Variants in NDE1 observed in about 807,000 individuals in gnomAD.
NDE1 encodes the protein nudE neurodevelopment protein 1, also known as nuclear distribution protein nudE homolog 1.
In NDE1, 28 loss-of-function variants were observed where a neutral mutation model predicts 43.4. The ratio of observed to expected loss-of-function variants is 0.65; its 90% CI spans 0.48 to 0.89. NDE1 has a LOEUF of 0.89. Ranked by LOEUF, NDE1 falls within the 40% of genes least tolerant of loss-of-function variation. The pLI is 0.00. For synonymous variants in NDE1, 184 were observed against 172.0 expected (o/e 1.07, Z -0.55); for missense variants, 441 against 434.1 (o/e 1.02, Z -0.14).
chr16:15,691,833 C>T (rs865986022), intron 6 of NDE1, among the ~76,000 whole-genome samples: 1 of 151,626 alleles, frequency 6.6e-6, no homozygotes, highest in Admixed American at 6.6e-5. Context: ...CTTGCCATGT[C>T]GCCCAGGCTG....
At chr16:15,677,197 G>A (rs958745048) in intron 3 of NDE1, among the ~76,000 whole-genome samples, 4 of 152,070 alleles carry the variant, frequency 2.6e-5, no homozygotes, top group Non-Finnish European at 5.9e-5. Flanking sequence ...TCTGTTGACT[G>A]AGCCTGGCTT....
intron 8 of NDE1, chr16:15,697,126 C>T: frequency 4.3e-6 from 4 of 926,576 alleles, no homozygotes; most frequent in Non-Finnish European, 5.2e-6. Context: ...ATGGCTCACC[C>T]TCTGCCTCCC....
chr16:15,694,952 C>T, intron 7 of NDE1: 1 of 966,410 alleles, frequency 1.0e-6, no homozygotes, highest in Non-Finnish European at 1.2e-6. Flanking sequence ...TGGGAGATTA[C>T]TTGAGCTCAG....
chr16:15,663,583 T>C (rs1217477124), intron 1 of NDE1, among the ~76,000 whole-genome samples: 1 of 152,140 alleles, frequency 6.6e-6, no homozygotes, highest in East Asian at 1.9e-4. Context: ...TCGCCTCTTC[T>C]AGGAAGCCTT....
At chr16:15,682,335 C>T (rs1042044027) in intron 4 of NDE1, among the ~76,000 whole-genome samples, 11 of 152,224 alleles carry the variant, frequency 7.2e-5, no homozygotes, top group African/African-American at 2.2e-4. Flanking sequence ...TTTGTAAAGA[C>T]CGGGTTTCTC....
intron 8 of NDE1, among the ~76,000 whole-genome samples, chr16:15,716,004 G>A (rs893644044): frequency 6.6e-6 from 1 of 152,144 alleles, no homozygotes; most frequent in African/African-American, 2.4e-5. Context: ...GTGTGCACCT[G>A]TAGTCCCAGC....
intron 8 of NDE1, among the ~76,000 whole-genome samples, chr16:15,716,682 C>T (rs907381107): frequency 3.9e-5 from 6 of 152,120 alleles, no homozygotes; most frequent in Admixed American, 1.3e-4. Flanking sequence ...CCACCACACT[C>T]GGCTAATTTT....
intron 7 of NDE1, chr16:15,695,495 CAAAAA>C (rs3073434): frequency 6.2e-5 from 58 of 929,350 alleles, no homozygotes; most frequent in African/African-American, 8.5e-5. Flanking sequence ...GACTTGGTCT[CAAAAA>C]AAAAAAAAAA....
At chr16:15,684,437 A>G (rs2038331134) in intron 4 of NDE1, 1 of 151,874 alleles carries the variant, frequency 6.6e-6, no homozygotes, top group Non-Finnish European at 1.5e-5. Context: ...TACTAAAAAT[A>G]CAAAAATTAG....
chr16:15,698,730 G>A lies in NDE1; in HGVS notation c.947+1870G>A, dbSNP rs144936627. ...ACGAAAATTAGCCGGGCATGGTCGC[G>A]GATGCCTGTAGTCCCAGCTGCTTGG... On this transcript the variant is annotated intron_variant, in intron 8 of 8. Coordinates refer to ENST00000396354, the MANE Select transcript of NDE1 (RefSeq NM_017668.3). Among the ~76,000 whole-genome samples the A allele has an allele frequency of 2.6e-3, 397 of 151,934 alleles. 5 individuals are homozygous for A. The highest frequency in any genetic ancestry group is 8.5e-3 in the African/African-American group (351 of 41,450).
chr16:15,718,188 A>C (rs551812413), intron 8 of NDE1: 1 of 1,489,848 alleles, frequency 6.7e-7, no homozygotes, highest in Non-Finnish European at 9.2e-7. Flanking sequence ...CTCAGGCCCC[A>C]CCACCCTCTT....
intron 8 of NDE1, among the ~76,000 whole-genome samples, chr16:15,715,660 T>C (rs1231244435): frequency 6.6e-6 from 1 of 152,132 alleles, no homozygotes; most frequent in Non-Finnish European, 1.5e-5. Context: ...GGTCTTGCTG[T>C]GTGACCCAGG....
chr16:15,663,736 A>G (rs1008731824), intron 1 of NDE1, among the ~76,000 whole-genome samples: 1 of 152,196 alleles, frequency 6.6e-6, no homozygotes, highest in African/African-American at 2.4e-5. Context: ...AATCCTGTGC[A>G]CATTTCTGTG....
intron 1 of NDE1, among the ~76,000 whole-genome samples, chr16:15,659,600 C>A (rs2036945721): frequency 6.6e-6 from 1 of 151,552 alleles, no homozygotes; most frequent in Non-Finnish European, 1.5e-5. Context: ...CCATGCCCGG[C>A]TAATTTTTAT....
chr16:15,667,589 C>G, intron 3 of NDE1, 150 bp downstream of exon 3: 1 of 743,014 alleles, frequency 1.3e-6, no homozygotes, highest in East Asian at 3.1e-5. Flanking sequence ...CAGACGTGAT[C>G]TTTGAACTCT....
Position 15,719,614 on chromosome 16 carries a change from A to G in NDE1, c.948-4577A>G, listed in dbSNP as rs1057522597. 4 of 1,614,032 alleles carry G rather than the reference A, an allele frequency of 2.5e-6. No individual in the cohort carries two copies. Among genetic ancestry groups the G allele is most frequent in the East Asian group, 2.2e-5 (1 of 44,890 alleles). On this transcript the variant is annotated intron_variant, in intron 8 of 8. Transcript: ENST00000396354. ...TGTAGCTGCATGAGGTCTGCTTCCA[A>G]GCTCTTGGCTTTCTTCTCATTCTCT... is the stretch of plus-strand genomic sequence containing the variant.
chr16:15,680,926 T>A (rs961153769), intron 4 of NDE1, among the ~76,000 whole-genome samples: 1 of 152,078 alleles, frequency 6.6e-6, no homozygotes, highest in Non-Finnish European at 1.5e-5. Context: ...TTGTCTATTG[T>A]ATCATTTTCC....
chr16:15,658,973 T>G (rs2036906951), intron 1 of NDE1, among the ~76,000 whole-genome samples: 1 of 152,210 alleles, frequency 6.6e-6, no homozygotes, highest in Non-Finnish European at 1.5e-5. Flanking sequence ...GTATGACATT[T>G]CGCCTTTCTG....
intron 1 of NDE1, among the ~76,000 whole-genome samples, chr16:15,650,941 G>A (rs1397176795): frequency 6.6e-6 from 1 of 152,154 alleles, no homozygotes; most frequent in African/African-American, 2.4e-5. Flanking sequence ...CGTCTCTGCC[G>A]CAGGACGGTT....
Sources: gnomAD v4.1 joint callset for allele counts (sites outside exome capture counted in the v4.1 genomes callset) on GRCh38, gnomAD v4.1.1 for gene constraint, MANE v1.5 for transcripts, NCBI Gene and HGNC (gene_info 2026-07-23, HGNC 2026-07-21) for gene names.